NWD2: variants seen among roughly 807,000 people sequenced by gnomAD.
NWD2 encodes the protein NACHT and WD repeat domain-containing protein 2.
NWD2 carries 37 observed loss-of-function variants against 132.7 expected under a neutral mutation model. The observed-to-expected ratio is 0.28, with a 90% CI of 0.21 to 0.37. NWD2 has a LOEUF of 0.37. Ranked by LOEUF, NWD2 falls within the 10% of genes least tolerant of loss-of-function variation. The pLI is 1.00. For missense variants in NWD2, 1,592 were observed against 2,122.4 expected (o/e 0.75, Z 4.91); for synonymous variants, 705 against 803.0 (o/e 0.88, Z 2.06).
At chr4:37,262,168 T>A (rs1717650497) in intron 1 of NWD2, among the ~76,000 whole-genome samples, 1 of 152,220 alleles carries the variant, frequency 6.6e-6, no homozygotes, top group Non-Finnish European at 1.5e-5. Context: ...AAGGAACTCG[T>A]GGAAGCTGGA....
chr4:37,265,610 T>C (rs1437829837), intron 1 of NWD2, among the ~76,000 whole-genome samples: 2 of 152,068 alleles, frequency 1.3e-5, no homozygotes, highest in East Asian at 3.9e-4. Flanking sequence ...CCATCTTCAG[T>C]GCCAGTAGCA....
chr4:37,285,458 A>G (rs1038976966), intron 1 of NWD2, among the ~76,000 whole-genome samples: 3 of 151,938 alleles, frequency 2.0e-5, no homozygotes, highest in Non-Finnish European at 2.9e-5. Context: ...ATAATAATAT[A>G]TTTATAGTAA....
In NWD2 at chr4:37,245,082, C is replaced by A. The variant is rs554012646; in HGVS notation, c.15C>A (p.Gly5=). MWPA[G]AGTKLPCPRD... ...CCCAGAGGGCGATGTGGCCGGCCGG[C>A]GCGGGCACCAAGCTGCCCTGTCCCC... The change falls in exon 1 of 7, where the codon GGC becomes GGA. Residue 5 remains glycine (G), a synonymous_variant. Transcript: ENST00000309447. The A allele has an allele frequency of 2.4e-4, 372 of 1,545,848 alleles. 9 individuals are homozygous for A. In the South Asian group the frequency reaches 4.3e-3, roughly 18 times the overall value.
chr4:37,420,098 A>G (rs560852498), intron 3 of NWD2, among the ~76,000 whole-genome samples: 3 of 152,314 alleles, frequency 2.0e-5, no homozygotes, highest in African/African-American at 7.2e-5. Context: ...TTGCAGTTCT[A>G]CAATTGTTAA....
At chr4:37,294,842 AATAAAG>A (rs1187527478) in intron 1 of NWD2, among the ~76,000 whole-genome samples, 2 of 152,208 alleles carry the variant, frequency 1.3e-5, no homozygotes, top group African/African-American at 4.8e-5. Context: ...ATTTTGCCAA[AATAAAG>A]ATCACATCTG....
rs776077382 is a variant in NWD2, at chr4:37,373,148, C to T, written c.357+16666C>T. Reference sequence around the variant, plus strand: ...TTTTGCATATAGTAATTCATGTAACCTCACAACAGCACTAATAAGGTAGGT... The same window carrying T: ...TTTTGCATATAGTAATTCATGTAACTTCACAACAGCACTAATAAGGTAGGT... On this transcript the variant is annotated intron_variant, in intron 3 of 6. Coordinates refer to ENST00000309447, the MANE Select transcript of NWD2 (RefSeq NM_001144990.2). Among the ~76,000 whole-genome samples, 57 of 152,284 alleles carry T rather than the reference C, an allele frequency of 3.7e-4. 1 individual carries two copies. Among genetic ancestry groups the T allele is most frequent in the Non-Finnish European group, 5.3e-4 (36 of 68,028 alleles).
chr4:37,262,720 G>A (rs1311597450), intron 1 of NWD2, among the ~76,000 whole-genome samples: 1 of 152,068 alleles, frequency 6.6e-6, no homozygotes, highest in African/African-American at 2.4e-5. Context: ...AGGAGCACGT[G>A]GCAAAGTGGT....
intron 1 of NWD2, among the ~76,000 whole-genome samples, chr4:37,272,904 G>T (rs1227455705): frequency 6.6e-6 from 1 of 151,678 alleles, no homozygotes; most frequent in Non-Finnish European, 1.5e-5. Context: ...TTATCTCCTG[G>T]AGAATGCTCC....
chr4:37,270,203 T>C (rs1357157605), intron 1 of NWD2, among the ~76,000 whole-genome samples: 2 of 151,806 alleles, frequency 1.3e-5, no homozygotes, highest in Non-Finnish European at 2.9e-5. Flanking sequence ...TTTATACAAC[T>C]TGAATAAGGT....
intron 5 of NWD2, among the ~76,000 whole-genome samples, chr4:37,434,888 C>G (rs184145854): frequency 6.6e-6 from 1 of 151,514 alleles, no homozygotes; most frequent in Admixed American, 6.6e-5. Flanking sequence ...AGATGGGAAG[C>G]CATCAGAGGG....
rs938653577 is a variant in NWD2, at chr4:37,330,307, A to G, written c.240+4283A>G. Among the ~76,000 whole-genome samples the G allele has an allele frequency of 2.0e-5, 3 of 152,198 alleles. No individual in the cohort carries two copies. The South Asian group carries it at 6.2e-4, about 32-fold the overall frequency. On this transcript the variant is annotated intron_variant, in intron 2 of 6. Transcript: ENST00000309447. The stretch of plus-strand genomic sequence containing the variant: ...GAAAGAACATCAAGCCCACTCAGCA[A>G]AGAACACCCAGGGCATCAGGAAAAG...
At chr4:37,391,347 C>A (rs1157755829) in intron 3 of NWD2, among the ~76,000 whole-genome samples, 4 of 152,136 alleles carry the variant, frequency 2.6e-5, no homozygotes, top group African/African-American at 9.7e-5. Flanking sequence ...ATATGTGTTA[C>A]ATGTAGACGT....
chr4:37,444,218 C>T lies in NWD2; in HGVS notation c.2230C>T (p.Leu744=). ...NRHLQLIAQK[L]YLQDDNDLRE... ...ACACCTGCAGCTCATAGCCCAGAAGCTATATCTGCAGGATGACAATGACCT... is the reference window on the plus strand; with the variant it reads ...ACACCTGCAGCTCATAGCCCAGAAGTTATATCTGCAGGATGACAATGACCT... The change falls in exon 7 of 7, where the codon CTA becomes TTA. Residue 744 remains leucine, a synonymous_variant. Transcript: ENST00000309447. This position sits in a 1 kb window ranked among gnomAD's most constrained non-coding sequence, Gnocchi z 4.8. 1 of 1,551,700 alleles carries T rather than the reference C, an allele frequency of 6.4e-7. No individual in the cohort carries two copies. The highest frequency in any genetic ancestry group is 8.7e-7 in the Non-Finnish European group (1 of 1,146,976).
intron 1 of NWD2, among the ~76,000 whole-genome samples, chr4:37,245,511 TC>T (rs1328881907): frequency 6.6e-6 from 1 of 151,190 alleles, no homozygotes. Context: ...GAAGCTCCAT[TC>T]TGCCGCCGCC....
At chr4:37,367,684 G>T (rs940128933) in intron 3 of NWD2, among the ~76,000 whole-genome samples, 7 of 152,146 alleles carry the variant, frequency 4.6e-5, no homozygotes, top group Non-Finnish European at 1.0e-4. Flanking sequence ...ACCCAAAGAA[G>T]TGAAGGGAAT....
chr4:37,304,298 AAT>A (rs772121931), intron 1 of NWD2, among the ~76,000 whole-genome samples: 8 of 152,198 alleles, frequency 5.3e-5, no homozygotes, highest in Non-Finnish European at 1.2e-4. Context: ...CCCCTCCTCC[AAT>A]ACTAGCAATT....
intron 3 of NWD2, among the ~76,000 whole-genome samples, chr4:37,369,871 C>A (rs1720180696): frequency 6.6e-6 from 1 of 152,162 alleles, no homozygotes; most frequent in South Asian, 2.1e-4. Context: ...CTTCTCTTCC[C>A]AGTTTGGAAA....
intron 2 of NWD2, among the ~76,000 whole-genome samples, chr4:37,334,784 A>G (rs188295509): frequency 7.8e-4 from 118 of 152,202 alleles, no homozygotes; most frequent in African/African-American, 2.6e-3. Context: ...CTCATAGCCA[A>G]CTTCATTAGT....
intron 1 of NWD2, among the ~76,000 whole-genome samples, chr4:37,325,498 T>A (rs1001775625): frequency 6.6e-6 from 1 of 152,054 alleles, no homozygotes; most frequent in African/African-American, 2.4e-5. Context: ...GTCTGGGATG[T>A]TTTTGGAAAT....
Sources: allele counts gnomAD v4.1 joint callset (sites outside exome capture counted in the v4.1 genomes callset), GRCh38; gene constraint gnomAD v4.1.1; non-coding constraint Gnocchi (gnomAD v3.1); transcripts MANE v1.5; gene names NCBI Gene and HGNC (gene_info 2026-07-23, HGNC 2026-07-21).